Variants in LRRC63 observed in about 807,000 individuals in gnomAD.
The protein encoded by LRRC63 is leucine-rich repeat-containing protein 63.
Under a neutral mutation model 49.5 loss-of-function variants are expected in LRRC63, and 40 were observed. That is an observed-to-expected ratio of 0.81 (90% CI 0.63 to 1.05). The LOEUF is 1.05. LRRC63 is among the 50% of genes least tolerant of loss of function. LRRC63 has a pLI of 0.00. For missense variants in LRRC63, 636 were observed against 663.1 expected, an observed-to-expected ratio of 0.96 and a Z score of 0.45; for synonymous variants, 191 against 221.1, an observed-to-expected ratio of 0.86 and a Z score of 1.21.
intron 9 of LRRC63, 66 bp downstream of exon 9, chr13:46,267,038 A>G: frequency 7.1e-7 from 1 of 1,409,830 alleles, no homozygotes; most frequent in South Asian, 1.5e-5. Flanking sequence ...TCTTCATTAC[A>G]GGCTTAGATG....
intron 2 of LRRC63, among the ~76,000 whole-genome samples, chr13:46,217,279 A>G (rs997921022): frequency 2.0e-5 from 3 of 152,126 alleles, no homozygotes; most frequent in African/African-American, 7.2e-5. Context: ...TACTGCCTCA[A>G]TTTCAGAACT....
At chr13:46,250,859 G>C (rs111312906) in intron 7 of LRRC63, among the ~76,000 whole-genome samples, 104 of 151,922 alleles carry the variant, frequency 6.8e-4, no homozygotes, top group Middle Eastern at 3.4e-3. Flanking sequence ...TAAAGTTGAT[G>C]ATAATTATAT....
chr13:46,226,009 G>A (rs2046563946), intron 2 of LRRC63, among the ~76,000 whole-genome samples: 2 of 150,294 alleles, frequency 1.3e-5, no homozygotes, highest in African/African-American at 2.5e-5. Context: ...TTTTTGACAG[G>A]GTCTCACTCC....
chr13:46,249,351 A>C (rs2047311000), intron 6 of LRRC63, among the ~76,000 whole-genome samples: 1 of 151,832 alleles, frequency 6.6e-6, no homozygotes, highest in African/African-American at 2.4e-5. Flanking sequence ...TATTACTTTT[A>C]AAAAATCAAC....
chr13:46,234,110 T>C, intron 4 of LRRC63, 82 bp from the exon 5 acceptor site: 3 of 1,291,990 alleles, frequency 2.3e-6, no homozygotes, highest in Non-Finnish European at 3.2e-6. Flanking sequence ...CTCAATATTA[T>C]CATAAGATAA....
exon 9 of LRRC63, chr13:46,266,901 G>A: frequency 2.6e-6 from 4 of 1,548,738 alleles, no homozygotes; most frequent in South Asian, 1.2e-5. Flanking sequence ...TTATTTCTTT[G>A]TTCATTGTCC....
At chr13:46,227,657 C>T (rs41284161) in exon 3 of LRRC63, 29,816 of 1,550,188 alleles carry the variant, frequency 0.019, 556 homozygotes, top group African/African-American at 0.093. Flanking sequence ...TTCTTGATCA[C>T]TGTGTACAAG....
intron 5 of LRRC63, among the ~76,000 whole-genome samples, chr13:46,239,864 T>G (rs867593039): frequency 3.9e-5 from 6 of 152,206 alleles, no homozygotes; most frequent in African/African-American, 1.4e-4. Context: ...AATCAATAAA[T>G]GTGATTCATC....
intron 5 of LRRC63, among the ~76,000 whole-genome samples, chr13:46,244,237 T>C (rs939449238): frequency 2.6e-5 from 4 of 152,194 alleles, no homozygotes; most frequent in African/African-American, 9.7e-5. Context: ...GGGCTAAATG[T>C]ATATATCTAT....
At chr13:46,270,625 A>G in intron 9 of LRRC63, 2 of 835,586 alleles carry the variant, frequency 2.4e-6, no homozygotes, top group African/African-American at 1.7e-5. Flanking sequence ...CGTCATGAGG[A>G]CTGACATGGA....
intron 4 of LRRC63, among the ~76,000 whole-genome samples, chr13:46,231,520 T>TC (rs1035887262): frequency 4.6e-5 from 7 of 151,916 alleles, no homozygotes; most frequent in Non-Finnish European, 8.8e-5. Flanking sequence ...CTTTTTTCTT[T>TC]TTTTTTTTAG....
rs141082378 is a variant in LRRC63, at chr13:46,222,251, A to T, written c.86-5261A>T. Among the ~76,000 whole-genome samples the T allele has an allele frequency of 4.2e-3, 630 of 151,704 alleles. 6 individuals carry two copies. Among genetic ancestry groups the T allele is most frequent in the African/African-American group, 0.015 (601 of 41,322 alleles). Reference sequence around the variant, plus strand: ...GTTGAGTTGTTTGAGGTCCTTGTATATTCTAGATGTTAGTACCTTGTGGTA... The same window carrying T: ...GTTGAGTTGTTTGAGGTCCTTGTATTTTCTAGATGTTAGTACCTTGTGGTA... On this transcript the variant is annotated intron_variant, in intron 2 of 9. Transcript: ENST00000595396.
At chr13:46,260,296 G>A (rs970322166) in intron 7 of LRRC63, among the ~76,000 whole-genome samples, 2 of 152,164 alleles carry the variant, frequency 1.3e-5, no homozygotes, top group Non-Finnish European at 2.9e-5. Context: ...AGAGCAAATG[G>A]TATTAACATT....
chr13:46,218,018 CA>C (rs2046302440), intron 2 of LRRC63, among the ~76,000 whole-genome samples: 1 of 152,046 alleles, frequency 6.6e-6, no homozygotes, highest in Non-Finnish European at 1.5e-5. Flanking sequence ...GTTTTACTTC[CA>C]ATTATGTGGT....
chr13:46,240,791 C>T (rs901134096), intron 5 of LRRC63, among the ~76,000 whole-genome samples: 1 of 152,086 alleles, frequency 6.6e-6, no homozygotes, highest in South Asian at 2.1e-4. Flanking sequence ...TGAACGATCT[C>T]TACAAGGAGA....
At chr13:46,239,145 A>G (rs2046985400) in intron 5 of LRRC63, among the ~76,000 whole-genome samples, 1 of 152,210 alleles carries the variant, frequency 6.6e-6, no homozygotes, top group African/African-American at 2.4e-5. Flanking sequence ...TCAGAGCTGA[A>G]CTAAAGAAAA....
intron 6 of LRRC63, among the ~76,000 whole-genome samples, chr13:46,249,334 C>T (rs1458497905): frequency 1.3e-5 from 2 of 151,458 alleles, no homozygotes; most frequent in South Asian, 4.1e-4. Context: ...AATTTAAAAA[C>T]AGAAGTTATT....
Position 46,275,255 on chromosome 13 carries a change from G to A in LRRC63, c.1551-1335G>A, listed in dbSNP as rs564582102. Among the ~76,000 whole-genome samples, 4 of 152,182 alleles carry A rather than the reference G, an allele frequency of 2.6e-5. 1 individual carries two copies. The highest frequency in any genetic ancestry group is 4.8e-5 in the African/African-American group (2 of 41,524). ...ATTTAGGTCAACTCCATATCTTGGC[G>A]ATTGTGAATAGAGCTGCAATAAATA... On this transcript the variant is annotated intron_variant, in intron 9 of 9. Coordinates refer to ENST00000595396, the Ensembl canonical transcript of LRRC63.
Position 46,253,371 on chromosome 13 carries a change from A to G in LRRC63, c.1226+2880A>G, listed in dbSNP as rs1019534395. Among the ~76,000 whole-genome samples the G allele has an allele frequency of 3.3e-5, 5 of 152,186 alleles. No homozygotes were observed. In the East Asian group the frequency reaches 9.6e-4, roughly 29 times the overall value. On this transcript the variant is annotated intron_variant, in intron 7 of 9. Transcript: ENST00000595396. ...GAAAAGGGGCATGATCTTTTCCCTTATGGGGCTTAGAATCCAGAGCACGAT... is the reference window on the plus strand; with the variant it reads ...GAAAAGGGGCATGATCTTTTCCCTTGTGGGGCTTAGAATCCAGAGCACGAT...
Sources: gnomAD v4.1 joint callset for allele counts (sites outside exome capture counted in the v4.1 genomes callset) on GRCh38, gnomAD v4.1.1 for gene constraint, MANE v1.5 for transcripts, NCBI Gene and HGNC (gene_info 2026-07-23, HGNC 2026-07-21) for gene names.